SLC24A2: variants seen among roughly 807,000 people sequenced by gnomAD.
The protein encoded by SLC24A2 is sodium/potassium/calcium exchanger 2.
SLC24A2 carries 36 observed loss-of-function variants against 62.0 expected under a neutral mutation model. The observed-to-expected ratio is 0.58, with a 90% CI of 0.44 to 0.77. The LOEUF (loss-of-function observed/expected upper bound fraction) is 0.77, where lower values mean the gene tolerates loss of function less well. SLC24A2 is among the 30% of genes least tolerant of loss of function. The probability of loss-of-function intolerance (pLI) is 0.00; values close to 1 mark genes in which losing one functional copy is unlikely to be tolerated. For missense variants in SLC24A2, 846 were observed against 817.9 expected (o/e 1.03, Z -0.42); for synonymous variants, 358 against 294.0 (o/e 1.22, Z -2.23).
intron 2 of SLC24A2, among the ~76,000 whole-genome samples, chr9:19,677,649 G>T (rs928915545): frequency 2.6e-5 from 4 of 151,720 alleles, no homozygotes; most frequent in Non-Finnish European, 5.9e-5. Flanking sequence ...ATGAATTTTG[G>T]CAATTTAAAA....
At chr9:19,639,594 C>T (rs1818442358) in intron 2 of SLC24A2, among the ~76,000 whole-genome samples, 1 of 152,224 alleles carries the variant, frequency 6.6e-6, no homozygotes, top group Non-Finnish European at 1.5e-5. Flanking sequence ...GTGCATGGGA[C>T]ACGCCCAGGT....
chr9:19,745,003 G>A (rs915095616), intron 2 of SLC24A2, among the ~76,000 whole-genome samples: 4 of 152,170 alleles, frequency 2.6e-5, no homozygotes, highest in African/African-American at 9.7e-5. Flanking sequence ...CTGTTGAAAT[G>A]TGACCTAGCA....
At chr9:19,994,955 T>C in the SLC24A2 span, among the ~76,000 whole-genome samples, 1 of 152,174 alleles carries the variant, frequency 6.6e-6, no homozygotes, top group Non-Finnish European at 1.5e-5. Context: ...TAAAAATGAC[T>C]AAAACAACAC....
At chr9:19,541,310 T>C (rs1202865252) in intron 8 of SLC24A2, among the ~76,000 whole-genome samples, 2 of 150,068 alleles carry the variant, frequency 1.3e-5, no homozygotes, top group Admixed American at 6.6e-5. Flanking sequence ...AGTTTTTCTG[T>C]TCTGTTTTTT....
At chr9:19,620,676 C>T (rs762262623) in intron 3 of SLC24A2, among the ~76,000 whole-genome samples, 11 of 152,246 alleles carry the variant, frequency 7.2e-5, no homozygotes, top group South Asian at 2.1e-4. Context: ...GCTGTCTCCC[C>T]GTGGTTGATT....
chr9:19,764,987 G>T (rs962203782), intron 2 of SLC24A2, among the ~76,000 whole-genome samples: 1 of 152,114 alleles, frequency 6.6e-6, no homozygotes, highest in African/African-American at 2.4e-5. Flanking sequence ...CCTGTGTTGG[G>T]TGCATATATA....
At chr9:19,636,318 T>C (rs867742575) in intron 2 of SLC24A2, among the ~76,000 whole-genome samples, 415 of 32,030 alleles carry the variant, frequency 0.013, 18 homozygotes, top group African/African-American at 0.05. Flanking sequence ...TCTTTTCTTT[T>C]CTTTCTTTCT....
chr9:20,077,301 A>C, the SLC24A2 span, among the ~76,000 whole-genome samples: 1 of 152,144 alleles, frequency 6.6e-6, no homozygotes, highest in East Asian at 1.9e-4. Flanking sequence ...CTTGCCAAAA[A>C]ACAAAAAGTA....
At chr9:19,790,334 A>G (rs1487371962), upstream of SLC24A2, among the ~76,000 whole-genome samples, 1 of 152,012 alleles carries the variant, frequency 6.6e-6, no homozygotes, top group Non-Finnish European at 1.5e-5. Context: ...ACAATTATGA[A>G]CTCATGGACA....
chr9:19,929,402 A>G, the SLC24A2 span: 1 of 152,208 alleles, frequency 6.6e-6, no homozygotes. Context: ...AAATGTATAC[A>G]ATCATGCACT....
At chr9:19,695,917 T>A (rs1365002725) in intron 2 of SLC24A2, among the ~76,000 whole-genome samples, 2 of 152,136 alleles carry the variant, frequency 1.3e-5, no homozygotes, top group African/African-American at 4.8e-5. Flanking sequence ...AAGCTTTGAA[T>A]AAATACATGC....
At chr9:19,631,149 G>C (rs529392867) in intron 2 of SLC24A2, among the ~76,000 whole-genome samples, 1 of 152,266 alleles carries the variant, frequency 6.6e-6, no homozygotes, top group Admixed American at 6.5e-5. Flanking sequence ...ACAGTACCTA[G>C]CATAGTGGTG....
At chr9:19,626,546 A>C (rs1818040734) in intron 2 of SLC24A2, among the ~76,000 whole-genome samples, 1 of 152,214 alleles carries the variant, frequency 6.6e-6, no homozygotes, top group South Asian at 2.1e-4. Context: ...AATGGGCCTA[A>C]AATGCATTAT....
the SLC24A2 span, among the ~76,000 whole-genome samples, chr9:19,964,292 C>T: frequency 1.0e-3 from 156 of 151,504 alleles, no homozygotes; most frequent in Non-Finnish European, 1.8e-3. Flanking sequence ...ATGGGTGCAG[C>T]ACACCAGCAT....
At chr9:19,547,675 T>C (rs1232930881) in intron 8 of SLC24A2, among the ~76,000 whole-genome samples, 1 of 151,704 alleles carries the variant, frequency 6.6e-6, no homozygotes, top group East Asian at 1.9e-4. Context: ...TCAATGGTTG[T>C]ATGCAAACAT....
the SLC24A2 span, among the ~76,000 whole-genome samples, chr9:19,898,070 G>A: frequency 9.9e-5 from 15 of 152,184 alleles, no homozygotes; most frequent in African/African-American, 3.6e-4. Flanking sequence ...CCTGGCTGGA[G>A]GAGGGAATCA....
At chr9:19,886,945 C>T in the SLC24A2 span, among the ~76,000 whole-genome samples, 8 of 152,036 alleles carry the variant, frequency 5.3e-5, no homozygotes, top group Admixed American at 1.3e-4. Flanking sequence ...AGCAAACTAA[C>T]GCAGGAACAG....
intron 2 of SLC24A2, among the ~76,000 whole-genome samples, chr9:19,758,730 T>C (rs1033978802): frequency 6.6e-6 from 1 of 152,128 alleles, no homozygotes; most frequent in African/African-American, 2.4e-5. Flanking sequence ...CAGGATTGGT[T>C]TGTTTTTAAT....
intron 2 of SLC24A2, among the ~76,000 whole-genome samples, chr9:19,650,752 A>C (rs371254812): frequency 1.5e-4 from 23 of 152,236 alleles, no homozygotes; most frequent in African/African-American, 5.3e-4. Flanking sequence ...AAAAATACAG[A>C]AACAAACAGC....
Sources: allele counts gnomAD v4.1 joint callset (sites outside exome capture counted in the v4.1 genomes callset), GRCh38; gene constraint gnomAD v4.1.1; transcripts MANE v1.5; gene names NCBI Gene and HGNC (gene_info 2026-07-23, HGNC 2026-07-21).